The following ZNF516 variants were observed in gnomAD, a reference collection of about 807,000 sequenced individuals.
The protein encoded by ZNF516 is zinc finger protein 516.
A neutral mutation model predicts 79.7 loss-of-function variants in ZNF516; 19 were observed. The ratio of observed to expected loss-of-function variants is 0.24; its 90% confidence interval spans 0.17 to 0.35. ZNF516 has a LOEUF of 0.35. Among genes scored for constraint, ZNF516 ranks in the 10% least tolerant of loss-of-function variants. ZNF516 has a pLI of 1.00. For missense variants in ZNF516, 1,678 were observed against 1,679.5 expected (o/e 1.00, Z 0.02); for synonymous variants, 877 against 739.5 (o/e 1.19, Z -3.02).
rs191861880 is a variant in ZNF516 at position 76,428,109 on chromosome 18, G to A, written c.1810+13136C>T. Reference sequence around the variant, plus strand: ...CACTTAAAGAAATCCATCATGGTCCGGGCGCAGTGGCTCAGGCCTGTAATC... The same window carrying A: ...CACTTAAAGAAATCCATCATGGTCCAGGCGCAGTGGCTCAGGCCTGTAATC... On this transcript the variant is annotated intron_variant, in intron 3 of 6. Transcript: ENST00000443185. 1.8e-3 allele frequency among the ~76,000 whole-genome samples: 269 copies of A among 152,222 alleles called. 2 individuals are homozygous for A. Among genetic ancestry groups the A allele is most frequent in the Non-Finnish European group, 3.1e-3 (213 of 68,026 alleles).
intron 2 of ZNF516, among the ~76,000 whole-genome samples, chr18:76,453,640 G>T (rs1912551260): frequency 6.6e-6 from 1 of 152,176 alleles, no homozygotes; most frequent in Admixed American, 6.5e-5. Flanking sequence ...GTGGCTTAAA[G>T]ATTTTACGGA....
Position 76,380,246 on chromosome 18 carries a change from C to G in ZNF516, c.1868G>C (p.Ser623Thr), listed in dbSNP as rs1479667627. Residue 623 changes from serine (S) to threonine (T), a missense_variant, in exon 4 of 7, where the codon AGT becomes ACT. Physicochemically the swap from Ser to Thr is moderately conservative, Grantham distance 58. This residue lies in a region of ZNF516 where 1,294 missense variants were observed against 1,248.3 expected (regional missense o/e 1.04). Transcript: ENST00000443185. ...SEEVTSTELSSGDQSHKMGDN... is the reference protein window; with the variant it reads ...SEEVTSTELSTGDQSHKMGDN... ...TCCCATCTTGTGACTCTGGTCTCCA[C>G]TGGAGAGCTCGGTCGAAGTCACCTC... The G allele has an allele frequency of 6.2e-7, 1 of 1,613,868 alleles. No individual in the cohort carries two copies. The highest frequency in any genetic ancestry group is 1.7e-5 in the Admixed American group (1 of 60,002).
At chr18:76,392,388 G>A (rs376895899) in intron 3 of ZNF516, among the ~76,000 whole-genome samples, 8 of 152,296 alleles carry the variant, frequency 5.3e-5, no homozygotes, top group African/African-American at 1.9e-4. Flanking sequence ...GACATTCACA[G>A]GGCTCAAAAT....
At chr18:76,477,045 G>A (rs1376858466) in intron 1 of ZNF516, among the ~76,000 whole-genome samples, 3 of 152,066 alleles carry the variant, frequency 2.0e-5, no homozygotes, top group Admixed American at 1.3e-4. Flanking sequence ...AGAAATATTC[G>A]TTTGCCTACA....
At chr18:76,437,382 G>C (rs1171929780) in intron 3 of ZNF516, among the ~76,000 whole-genome samples, 1 of 152,134 alleles carries the variant, frequency 6.6e-6, no homozygotes, top group Non-Finnish European at 1.5e-5. Flanking sequence ...GACGGGAAAC[G>C]TGAGACACTC....
intron 3 of ZNF516, among the ~76,000 whole-genome samples, chr18:76,381,954 A>G (rs1257863100): frequency 6.6e-6 from 1 of 152,196 alleles, no homozygotes; most frequent in East Asian, 1.9e-4. Flanking sequence ...CAACGTGGTG[A>G]AACCCCGTCT....
intron 3 of ZNF516, among the ~76,000 whole-genome samples, chr18:76,391,898 A>G (rs116829318): frequency 0.016 from 2,455 of 152,308 alleles, 87 homozygotes; most frequent in African/African-American, 0.056. Flanking sequence ...AGCCAGCAGG[A>G]GGAGGCCGGG....
chr18:76,363,943 T>C (rs2074577978), intron 6 of ZNF516, among the ~76,000 whole-genome samples: 1 of 152,190 alleles, frequency 6.6e-6, no homozygotes, highest in South Asian at 2.1e-4. Context: ...TGTGTGTGCC[T>C]AGATTGCACA....
intron 1 of ZNF516, among the ~76,000 whole-genome samples, chr18:76,488,548 G>A (rs923347203): frequency 6.6e-6 from 1 of 151,810 alleles, no homozygotes; most frequent in Non-Finnish European, 1.5e-5. Context: ...GGGAGGGACA[G>A]CAAAGAGATG....
At chr18:76,486,684 A>AGG (rs1432588350) in intron 1 of ZNF516, among the ~76,000 whole-genome samples, 1 of 75,494 alleles carries the variant, frequency 1.3e-5, no homozygotes, top group African/African-American at 3.8e-5. Context: ...CTGGTTTTGA[A>AGG]GGAAAAAAAA....
At chr18:76,412,796 C>G (rs1398682336) in intron 3 of ZNF516, among the ~76,000 whole-genome samples, 1 of 152,172 alleles carries the variant, frequency 6.6e-6, no homozygotes, top group Non-Finnish European at 1.5e-5. Flanking sequence ...ATTCCATGGT[C>G]CCACTGAGTC....
intron 3 of ZNF516, among the ~76,000 whole-genome samples, chr18:76,417,955 C>T (rs117970040): frequency 5.9e-5 from 9 of 152,306 alleles, no homozygotes; most frequent in Non-Finnish European, 1.0e-4. Context: ...ATAGCAGTGA[C>T]GTTTTAAAAT....
rs71363004 is a variant in ZNF516 at position 76,467,382 on chromosome 18, C to T, written c.-271-4241G>A. On this transcript the variant is annotated intron_variant, in intron 1 of 6. Coordinates refer to ENST00000443185, the MANE Select transcript of ZNF516 (RefSeq NM_014643.4). This position sits in a 1 kb window ranked among gnomAD's most constrained non-coding sequence, Gnocchi z 4.2. Reference sequence around the variant, plus strand: ...ACCTGCAGCTCACAGCCCCTCTGGGCTGGCAGGAAGTCCTGCGTGTCTCTT... The same window carrying T: ...ACCTGCAGCTCACAGCCCCTCTGGGTTGGCAGGAAGTCCTGCGTGTCTCTT... 1.4e-4 allele frequency among the ~76,000 whole-genome samples: 21 copies of T among 144,912 alleles called. 1 individual carries two copies. The highest frequency in any genetic ancestry group is 6.5e-4 in the South Asian group (3 of 4,594).
intron 6 of ZNF516, among the ~76,000 whole-genome samples, chr18:76,368,920 A>G (rs1191270965): frequency 6.6e-6 from 1 of 152,222 alleles, no homozygotes; most frequent in Non-Finnish European, 1.5e-5. Context: ...ATAAACTGAC[A>G]TGCATTCCTG....
intron 4 of ZNF516, among the ~76,000 whole-genome samples, chr18:76,374,347 G>C (rs1042556613): frequency 3.9e-5 from 6 of 152,168 alleles, no homozygotes; most frequent in Non-Finnish European, 8.8e-5. Context: ...TTCTATTCCT[G>C]TATGTTTATA....
Position 76,404,163 on chromosome 18 carries a change from G to C in ZNF516, c.1811-23860C>G, listed in dbSNP as rs570584221. Among the ~76,000 whole-genome samples the C allele has an allele frequency of 2.0e-5, 3 of 152,346 alleles. No homozygotes were observed. The East Asian group carries it at 5.8e-4, about 29-fold the overall frequency. On this transcript the variant is annotated intron_variant, in intron 3 of 6. Coordinates refer to ENST00000443185, the MANE Select transcript of ZNF516 (RefSeq NM_014643.4). ...TGAAAAGTCACCAATCTCAAGCCCT[G>C]GGCAAAGGGAAGACCCTCGGAAGCA...
intron 1 of ZNF516, among the ~76,000 whole-genome samples, chr18:76,481,220 C>T (rs1171371278): frequency 6.6e-6 from 1 of 152,182 alleles, no homozygotes; most frequent in East Asian, 1.9e-4. Context: ...ATTTTTTTGG[C>T]ATCAAATTCT....
intron 2 of ZNF516, among the ~76,000 whole-genome samples, chr18:76,452,414 A>C (rs910854877): frequency 1.3e-5 from 2 of 152,174 alleles, no homozygotes; most frequent in Non-Finnish European, 2.9e-5. Flanking sequence ...CTAGTCCCCA[A>C]ATGTAAGGAA....
intron 3 of ZNF516, among the ~76,000 whole-genome samples, chr18:76,395,603 A>AACC (rs2145177510): frequency 6.6e-6 from 1 of 152,192 alleles, no homozygotes; most frequent in South Asian, 2.1e-4. Flanking sequence ...CACAGCTCTT[A>AACC]ACCCAGTTAC....
Sources: allele counts gnomAD v4.1 joint callset (sites outside exome capture counted in the v4.1 genomes callset), GRCh38; gene constraint gnomAD v4.1.1; regional missense constraint gnomAD v4.1.1; non-coding constraint Gnocchi (gnomAD v3.1); transcripts MANE v1.5; gene names NCBI Gene and HGNC (gene_info 2026-07-23, HGNC 2026-07-21).